Variants in GSE1 observed in about 807,000 individuals in gnomAD.
The protein encoded by GSE1 is genetic suppressor element 1.
In GSE1, 32 loss-of-function variants were observed where a neutral mutation model predicts 112.6. That is an observed-to-expected ratio of 0.28 (90% CI 0.21 to 0.38). GSE1 has a LOEUF of 0.38. GSE1 is among the 10% of genes least tolerant of loss of function. The pLI is 1.00. For missense variants in GSE1, 2,348 were observed against 1,699.2 expected (o/e 1.38, Z -6.71); for synonymous variants, 1,115 against 735.6 (o/e 1.52, Z -8.35).
intron 2 of GSE1, among the ~76,000 whole-genome samples, chr16:85,370,919 C>T (rs1465311210): frequency 6.6e-6 from 1 of 152,234 alleles, no homozygotes; most frequent in African/African-American, 2.4e-5. Context: ...CAGCCTGGCT[C>T]CTGTGTACAG....
chr16:85,629,824 C>T (rs575762009), intron 1 of GSE1, among the ~76,000 whole-genome samples: 32 of 152,268 alleles, frequency 2.1e-4, no homozygotes, highest in African/African-American at 6.0e-4. Context: ...ATTGAGGGGG[C>T]GGCCTGGATT....
chr16:85,665,630 A>T (rs561972932), intron 12 of GSE1, among the ~76,000 whole-genome samples: 12 of 152,308 alleles, frequency 7.9e-5, no homozygotes, highest in Non-Finnish European at 1.5e-4. Flanking sequence ...GTCAGATGTC[A>T]GAGGGAATCT....
chr16:85,370,242 C>T (rs931698912), intron 2 of GSE1, among the ~76,000 whole-genome samples: 1 of 152,180 alleles, frequency 6.6e-6, no homozygotes. Flanking sequence ...CCTAGAGACC[C>T]AGCCAGGCTC....
At chr16:85,314,172 G>A (rs1045953323) in intron 1 of GSE1, among the ~76,000 whole-genome samples, 1 of 152,168 alleles carries the variant, frequency 6.6e-6, no homozygotes, top group Non-Finnish European at 1.5e-5. Context: ...CCTCCCCTGA[G>A]GCAGTGCCTC....
intron 1 of GSE1, among the ~76,000 whole-genome samples, chr16:85,617,209 A>G (rs2048425484): frequency 6.6e-6 from 1 of 151,674 alleles, no homozygotes; most frequent in Non-Finnish European, 1.5e-5. Flanking sequence ...TCCCATGCCC[A>G]CCCCGTGTCT....
At chr16:85,397,971 C>G (rs557258551) in intron 2 of GSE1, among the ~76,000 whole-genome samples, 1 of 144,276 alleles carries the variant, frequency 6.9e-6, no homozygotes, top group African/African-American at 2.6e-5. Context: ...CAGTTAGTTC[C>G]GAATCGTGGG....
intron 2 of GSE1, among the ~76,000 whole-genome samples, chr16:85,492,368 A>T (rs1348134358): frequency 6.6e-6 from 1 of 152,086 alleles, no homozygotes; most frequent in Non-Finnish European, 1.5e-5. Context: ...CCCCCTCTCA[A>T]ATCGAATCCC....
At chr16:85,434,894 G>A (rs184341238) in intron 2 of GSE1, among the ~76,000 whole-genome samples, 50 of 152,324 alleles carry the variant, frequency 3.3e-4, no homozygotes, top group African/African-American at 1.1e-3. Flanking sequence ...CTGCTGCCCC[G>A]TCCTACTGGG....
At chr16:85,392,292 A>G (rs1352211583) in intron 2 of GSE1, among the ~76,000 whole-genome samples, 1 of 152,262 alleles carries the variant, frequency 6.6e-6, no homozygotes, top group African/African-American at 2.4e-5. Context: ...ATCCAGAAAG[A>G]AAAACACAGG....
At position 85,215,228 on chromosome 16, in the gene GSE1, C is replaced by T. The variant is rs549951729; in HGVS notation, c.2283+43421C>T. ...TGGGTCATTTAACTGCTGCAAGCCT[C>T]ACTTGTGTCATCTTTAAAATGGAGG... On this transcript the variant is annotated intron_variant, in intron 1 of 2. Transcript: ENST00000637419. Among the ~76,000 whole-genome samples the T allele has an allele frequency of 6.6e-4, 101 of 152,336 alleles. No individual in the cohort carries two copies. In the Middle Eastern group the frequency reaches 0.01, roughly 15 times the overall value.
At chr16:85,251,111 G>A (rs1207367131) in intron 1 of GSE1, among the ~76,000 whole-genome samples, 2 of 152,206 alleles carry the variant, frequency 1.3e-5, no homozygotes, top group African/African-American at 4.8e-5. Flanking sequence ...TGAATCACCC[G>A]GCTGTGAGCA....
chr16:85,301,328 C>T (rs969078121), intron 1 of GSE1, among the ~76,000 whole-genome samples: 2 of 152,150 alleles, frequency 1.3e-5, no homozygotes, highest in Non-Finnish European at 2.9e-5. Context: ...GGAGACGTGT[C>T]GGATTCATGG....
chr16:85,527,340 G>A (rs2052396817), intron 2 of GSE1, among the ~76,000 whole-genome samples: 1 of 152,364 alleles, frequency 6.6e-6, no homozygotes, highest in South Asian at 2.1e-4. Flanking sequence ...CGGGAGGGAG[G>A]GAAGCCGAAA....
chr16:85,325,653 C>T (rs1416628765), intron 1 of GSE1, among the ~76,000 whole-genome samples: 1 of 151,900 alleles, frequency 6.6e-6, no homozygotes, highest in African/African-American at 2.4e-5. Flanking sequence ...CATTTCACCA[C>T]GTTGGCCATG....
At chr16:85,614,652 C>G (rs1277812627) in intron 1 of GSE1, among the ~76,000 whole-genome samples, 1 of 152,190 alleles carries the variant, frequency 6.6e-6, no homozygotes, top group Non-Finnish European at 1.5e-5. Context: ...TGGGGGAGCA[C>G]CTGCCGGGTT....
intron 2 of GSE1, among the ~76,000 whole-genome samples, chr16:85,501,006 T>TG (rs1319771845): frequency 1.5e-5 from 2 of 131,998 alleles, no homozygotes; most frequent in Admixed American, 7.4e-5. Context: ...CTGTTTTTTT[T>TG]TTTTTTTTTT....
At chr16:85,404,251 T>C (rs182045286) in intron 2 of GSE1, among the ~76,000 whole-genome samples, 35 of 86,626 alleles carry the variant, frequency 4.0e-4, no homozygotes, top group East Asian at 1.7e-3. Context: ...TAATTCTCAC[T>C]GTTACACTCA....
chr16:85,549,178 CT>C (rs113990659), intron 2 of GSE1, among the ~76,000 whole-genome samples: 311 of 145,026 alleles, frequency 2.1e-3, no homozygotes, highest in Middle Eastern at 7.0e-3. Context: ...TTTTTCTCTT[CT>C]TTTTTTTTTT....
chr16:85,173,408 A>G (rs1465541590), intron 1 of GSE1, among the ~76,000 whole-genome samples: 1 of 152,194 alleles, frequency 6.6e-6, no homozygotes, highest in Non-Finnish European at 1.5e-5. Context: ...CTTTGTAGGG[A>G]CATGGTGAGA....
Sources: gnomAD v4.1 joint callset for allele counts (sites outside exome capture counted in the v4.1 genomes callset) on GRCh38, gnomAD v4.1.1 for gene constraint, MANE v1.5 for transcripts, NCBI Gene and HGNC (gene_info 2026-07-23, HGNC 2026-07-21) for gene names.